The following UNC79 variants were observed in gnomAD, a reference collection of about 807,000 sequenced individuals.
The protein encoded by UNC79 is protein unc-79 homolog.
In UNC79, 37 loss-of-function variants were observed where a neutral mutation model predicts 283.1. The observed-to-expected ratio is 0.13, with a 90% CI of 0.10 to 0.17. The LOEUF is 0.17. Among genes scored for constraint, UNC79 ranks in the 10% least tolerant of loss-of-function variants. The pLI, the probability that UNC79 is intolerant of heterozygous loss-of-function variation, is 1.00. For missense variants in UNC79, 2,272 were observed against 3,211.1 expected (o/e 0.71, Z 7.07); for synonymous variants, 1,107 against 1,200.2 (o/e 0.92, Z 1.61).
At chr14:93,535,583 A>T (rs926853068) in intron 11 of UNC79, among the ~76,000 whole-genome samples, 3 of 152,134 alleles carry the variant, frequency 2.0e-5, no homozygotes, top group Admixed American at 1.3e-4. Flanking sequence ...TTCATCTGGG[A>T]AGACTTGAAT....
chr14:93,621,497 G>C lies in UNC79; in HGVS notation c.4388-124G>C. On this transcript the variant is annotated intron_variant, in intron 29 of 48. Transcript: ENST00000555664. This position sits in a 1 kb window ranked among gnomAD's most constrained non-coding sequence, Gnocchi z 4.8. ...TTACAAAAACTTGGCCAGAAAGTTCGTTTTCCCTCCTGGTGGAGCTGGGAT... is the reference window on the plus strand; with the variant it reads ...TTACAAAAACTTGGCCAGAAAGTTCCTTTTCCCTCCTGGTGGAGCTGGGAT... The C allele has an allele frequency of 8.0e-7, 1 of 1,257,158 alleles. No individual in the cohort carries two copies. Among genetic ancestry groups the C allele is most frequent in the South Asian group, 2.3e-5 (1 of 43,892 alleles). The allele number at this position is 1,257,158 out of a possible 1,614,324, so 77.9% of individuals were successfully genotyped here.
intron 1 of UNC79, chr14:93,348,213 A>G (rs1306568203): frequency 2.7e-6 from 2 of 751,620 alleles, no homozygotes; most frequent in Non-Finnish European, 4.8e-6. Flanking sequence ...AGTTGAGTTG[A>G]TGCAACCATT....
chr14:93,448,143 C>G (rs2056521362), intron 1 of UNC79, among the ~76,000 whole-genome samples: 1 of 150,958 alleles, frequency 6.6e-6, no homozygotes, highest in African/African-American at 2.4e-5. Flanking sequence ...CTGTTTGATA[C>G]TACCTAACCC....
At position 93,695,890 on chromosome 14, in the gene UNC79, C is replaced by CAAAAAAAAAAAAAAAAAAAAAA. The variant is rs535235954; in HGVS notation, c.7548+1498_7548+1499insAAAAAAAAAAAAAAAAAAAAAA. The stretch of plus-strand genomic sequence containing the variant: ...TGGGCAACAGGATGAGACTTTGTCT[C>CAAAAAAAAAAAAAAAAAAAAAA]AAAAAAAAAAAAAAAAAAAAGCAAA... On this transcript the variant is annotated intron_variant, in intron 47 of 48. Coordinates refer to ENST00000555664, the Ensembl canonical transcript of UNC79. Among the ~76,000 whole-genome samples, 304 of 39,220 alleles carry CAAAAAAAAAAAAAAAAAAAAAA rather than the reference C, an allele frequency of 7.8e-3. 14 individuals are homozygous for CAAAAAAAAAAAAAAAAAAAAAA. The highest frequency in any genetic ancestry group is 9.9e-3 in the Non-Finnish European group (212 of 21,330). 25.7% of individuals were successfully genotyped at this position (39,220 alleles called of 152,430 possible).
chr14:93,493,507 C>T (rs943727332), intron 5 of UNC79, among the ~76,000 whole-genome samples: 4 of 152,050 alleles, frequency 2.6e-5, no homozygotes, highest in South Asian at 2.1e-4. Flanking sequence ...ATTGCATTTG[C>T]GTAAGCACTT....
intron 1 of UNC79, among the ~76,000 whole-genome samples, chr14:93,413,952 G>A (rs868036400): frequency 0.019 from 2,806 of 150,196 alleles, 41 homozygotes; most frequent in South Asian, 0.071. Flanking sequence ...AGTAGGTTGT[G>A]AAAATTTTCT....
chr14:93,536,782 CTTTTT>C (rs35677025), intron 11 of UNC79, among the ~76,000 whole-genome samples: 1 of 82,434 alleles, frequency 1.2e-5, no homozygotes. Flanking sequence ...CCACCCCCGG[CTTTTT>C]TTTTTTTTTT....
At chr14:93,380,922 G>A (rs2054653163) in intron 1 of UNC79, among the ~76,000 whole-genome samples, 1 of 152,158 alleles carries the variant, frequency 6.6e-6, no homozygotes, top group Non-Finnish European at 1.5e-5. Context: ...GAGAGCCAGG[G>A]AGTTTTGCTG....
At chr14:93,462,457 C>T (rs958706398) in intron 1 of UNC79, among the ~76,000 whole-genome samples, 15 of 152,178 alleles carry the variant, frequency 9.9e-5, no homozygotes, top group African/African-American at 3.6e-4. Context: ...GGACTTTGAG[C>T]AGTGGTTACT....
chr14:93,582,279 A>G (rs1404215688), exon 20 of UNC79: 2 of 1,614,052 alleles, frequency 1.2e-6, no homozygotes, highest in African/African-American at 2.7e-5. Context: ...GGGGAGGAGG[A>G]GGAGAATCCT....
At chr14:93,705,975 G>A (rs1394012446) in intron 48 of UNC79, among the ~76,000 whole-genome samples, 2 of 152,152 alleles carry the variant, frequency 1.3e-5, no homozygotes, top group Non-Finnish European at 2.9e-5. Context: ...GGGGGCATGG[G>A]CACTGCTGAA....
chr14:93,679,855 A>T (rs1373733265), intron 41 of UNC79, among the ~76,000 whole-genome samples: 1 of 152,230 alleles, frequency 6.6e-6, no homozygotes, highest in Non-Finnish European at 1.5e-5. Context: ...GACAGCGATC[A>T]TCATTTCCTT....
upstream of UNC79, among the ~76,000 whole-genome samples, chr14:93,426,376 T>C (rs888489971): frequency 4.3e-4 from 65 of 151,508 alleles, no homozygotes; most frequent in African/African-American, 1.5e-3. Context: ...ATTTTTTTTG[T>C]CACCAAATTT....
chr14:93,339,821 G>C (rs903979456), intron 1 of UNC79, among the ~76,000 whole-genome samples: 2 of 152,190 alleles, frequency 1.3e-5, no homozygotes, highest in Admixed American at 6.5e-5. Context: ...TTACTTTGAT[G>C]TGGAAATTTT....
intron 30 of UNC79, 30 bp downstream of exon 32, chr14:93,622,871 CTTAACT>C (rs1287811257): frequency 4.4e-6 from 7 of 1,595,964 alleles, no homozygotes; most frequent in South Asian, 1.1e-5. Flanking sequence ...TTCTCTCAGC[CTTAACT>C]TTAAGTTTGT....
intron 1 of UNC79, among the ~76,000 whole-genome samples, chr14:93,368,396 G>A (rs1047429708): frequency 6.6e-6 from 1 of 152,142 alleles, no homozygotes; most frequent in African/African-American, 2.4e-5. Flanking sequence ...AAAGATGATG[G>A]GGAGTGGGGA....
intron 1 of UNC79, among the ~76,000 whole-genome samples, chr14:93,435,531 C>A (rs1037970669): frequency 2.0e-5 from 3 of 152,196 alleles, no homozygotes; most frequent in Non-Finnish European, 4.4e-5. Flanking sequence ...CTCCCACATA[C>A]AATTTTCTAG....
chr14:93,476,195 G>T (rs763038358), intron 3 of UNC79, among the ~76,000 whole-genome samples: 1 of 152,064 alleles, frequency 6.6e-6, no homozygotes, highest in African/African-American at 2.4e-5. Flanking sequence ...CACTAAGACC[G>T]GAGGCTGTGT....
Position 93,586,914 on chromosome 14 carries a change from T to A in UNC79, c.3032+6T>A. ...GACCACATGTTGATTGCAAGGTACG[T>A]CTTCCTAATGGTTTGTTTTGATTGT... is the stretch of plus-strand genomic sequence containing the variant. On this transcript the variant is annotated splice_donor_region_variant and intron_variant, in intron 22 of 48. Coordinates refer to ENST00000555664, the Ensembl canonical transcript of UNC79. The A allele has an allele frequency of 6.2e-7, 1 of 1,612,946 alleles. No individual in the cohort carries two copies. Among genetic ancestry groups the A allele is most frequent in the Non-Finnish European group, 8.5e-7 (1 of 1,179,710 alleles).
Sources: gnomAD v4.1 joint callset for allele counts (sites outside exome capture counted in the v4.1 genomes callset) on GRCh38, gnomAD v4.1.1 for gene constraint, Gnocchi (gnomAD v3.1) non-coding constraint, MANE v1.5 for transcripts, NCBI Gene and HGNC (gene_info 2026-07-23, HGNC 2026-07-21) for gene names.